The following CEP104 variants were observed in gnomAD, a reference collection of about 807,000 sequenced individuals.
The protein encoded by CEP104 is centrosomal protein 104, also known as centrosomal protein of 104 kDa.
CEP104 carries 84 observed loss-of-function variants against 113.3 expected under a neutral mutation model. The ratio of observed to expected loss-of-function variants is 0.74; its 90% CI spans 0.62 to 0.89. The LOEUF (loss-of-function observed/expected upper bound fraction) is 0.89, where lower values mean the gene tolerates loss of function less well. Ranked by LOEUF, CEP104 falls within the 40% of genes least tolerant of loss-of-function variation. CEP104 has a pLI of 0.00. For synonymous variants in CEP104, 378 were observed against 421.7 expected (o/e 0.90, Z 1.27); for missense variants, 1,053 against 1,156.6 (o/e 0.91, Z 1.30).
At chr1:3,824,400 G>A (rs1221347615) in intron 18 of CEP104, among the ~76,000 whole-genome samples, 1 of 152,172 alleles carries the variant, frequency 6.6e-6, no homozygotes, top group African/African-American at 2.4e-5. Flanking sequence ...TTTCTCTATA[G>A]TAATGCAAGA....
rs1643925745 is a variant in CEP104 at position 3,819,227 on chromosome 1, A to AGTGTCTG, written c.2572-2864_2572-2858dup. ...TAAGTCAAAGACACAAAGGCCGCAT[A>AGTGTCTG]GTGTCTGATTCCATTTACAGGAAAT... is the stretch of plus-strand genomic sequence containing the variant. On this transcript the variant is annotated intron_variant, in intron 20 of 21. Transcript: ENST00000378230. This position sits in a 1 kb window ranked among gnomAD's most constrained non-coding sequence, Gnocchi z 4.6. Among the ~76,000 whole-genome samples the AGTGTCTG allele has an allele frequency of 6.6e-6, 1 of 152,250 alleles. No individual in the cohort carries two copies. Among genetic ancestry groups the AGTGTCTG allele is most frequent in the Admixed American group, 6.5e-5 (1 of 15,288 alleles).
At chr1:3,816,493 G>A in intron 20 of CEP104, 123 bp from the exon 21 acceptor site, 1 of 685,076 alleles carries the variant, frequency 1.5e-6, no homozygotes. Flanking sequence ...AAGAGCCGCA[G>A]AAGAACGGCT....
intron 12 of CEP104, among the ~76,000 whole-genome samples, chr1:3,833,326 T>C (rs1019445403): frequency 2.6e-5 from 4 of 152,130 alleles, no homozygotes; most frequent in Non-Finnish European, 5.9e-5. Flanking sequence ...CAAAATTTTG[T>C]GTAAAACTTA....
At chr1:3,828,292 A>G (rs1162745706) in intron 15 of CEP104, among the ~76,000 whole-genome samples, 1 of 152,206 alleles carries the variant, frequency 6.6e-6, no homozygotes, top group African/African-American at 2.4e-5. Flanking sequence ...GTCACTGAGC[A>G]CACGAGTCAT....
intron 14 of CEP104, 116 bp downstream of exon 14, chr1:3,829,675 G>A (rs1326022202): frequency 1.5e-5 from 17 of 1,116,380 alleles, no homozygotes; most frequent in Non-Finnish European, 1.9e-5. Context: ...CCAGGACGCC[G>A]GGGCTTCCCA....
chr1:3,848,847 CT>C, intron 2 of CEP104, 66 bp from the exon 3 acceptor site: 1 of 1,355,314 alleles, frequency 7.4e-7, no homozygotes, highest in Non-Finnish European at 1.0e-6. Context: ...ATGCTAGCAT[CT>C]CATTCTTGCA....
In CEP104 at chr1:3,848,791, A is replaced by C; in HGVS notation, c.114-10T>G. ...TGGAAACTGGCAAAATCTGAAAGCA[A>C]ACACATTTTTATATTTTCTGAACAA... On this transcript the variant is annotated splice_polypyrimidine_tract_variant and intron_variant, in intron 2 of 21. Coordinates refer to ENST00000378230, the MANE Select transcript of CEP104 (RefSeq NM_014704.4). 1 of 1,603,606 alleles carries C rather than the reference A, an allele frequency of 6.2e-7. No individual in the cohort carries two copies. Among genetic ancestry groups the C allele is most frequent in the Non-Finnish European group, 8.5e-7 (1 of 1,176,730 alleles).
At chr1:3,836,387 G>T in intron 10 of CEP104, 108 bp downstream of exon 10, 1 of 1,111,204 alleles carries the variant, frequency 9.0e-7, no homozygotes, top group Non-Finnish European at 1.3e-6. Context: ...CAAATGCAAA[G>T]CCGTGGGCGT....
intron 16 of CEP104, 82 bp from the exon 17 acceptor site, chr1:3,826,518 A>C: frequency 7.3e-7 from 1 of 1,376,370 alleles, no homozygotes; most frequent in African/African-American, 1.4e-5. Flanking sequence ...GTGAGCTCTA[A>C]AACGATTATA....
At chr1:3,832,172 A>G (rs906308700) in intron 12 of CEP104, among the ~76,000 whole-genome samples, 1 of 152,264 alleles carries the variant, frequency 6.6e-6, no homozygotes, top group African/African-American at 2.4e-5. Context: ...ATCTTTTGAA[A>G]GATGAACCCT....
chr1:3,831,073 C>T lies in CEP104; in HGVS notation c.1809G>A (p.Ser603=), dbSNP rs373264198. 90 of 1,613,984 alleles carry T rather than the reference C, an allele frequency of 5.6e-5. No individual in the cohort carries two copies. Among genetic ancestry groups the T allele is most frequent in the Admixed American group, 1.7e-4 (10 of 60,026 alleles). ...TCATCACGTTGTCAATGGTGAAGCC[C>T]GAGCTGCCAGTGCCCAGGTCTTTCA... ...RLLKDLGTGS[S]GFTIDNVMKF... Residue 603 remains serine (S), a synonymous_variant, in exon 13 of 22, where the codon TCG becomes TCA. Transcript: ENST00000378230.
At position 3,812,435 on chromosome 1, in the gene CEP104, A is replaced by AT. The variant is rs1643811349; in HGVS notation, c.*2966dup. The AT allele has an allele frequency of 6.6e-6, 1 of 152,140 alleles. No homozygotes were observed. The highest frequency in any genetic ancestry group is 2.1e-4 in the South Asian group (1 of 4,828). The allele number at this position is 152,140 out of a possible 1,614,324, so 9.4% of individuals were successfully genotyped here. On this transcript the variant is annotated 3_prime_UTR_variant, in exon 22 of 22. Coordinates refer to ENST00000378230, the MANE Select transcript of CEP104 (RefSeq NM_014704.4). Reference sequence around the variant, plus strand: ...ATATTTATTTATGAATGACCAAGGGATTTTACAGTTCCTTTTTAATTTTTT... The same window carrying AT: ...ATATTTATTTATGAATGACCAAGGGATTTTTACAGTTCCTTTTTAATTTTTT...
Position 3,815,114 on chromosome 1 carries a change from A to C in CEP104, c.*288T>G. On this transcript the variant is annotated 3_prime_UTR_variant, in exon 22 of 22. Transcript: ENST00000378230. Reference sequence around the variant, plus strand: ...CCGGCGGTGCTCTCTGGCTCTCTCCAAACAGGACGCTTCCTTCTCTGATTC... The same window carrying C: ...CCGGCGGTGCTCTCTGGCTCTCTCCCAACAGGACGCTTCCTTCTCTGATTC... 2.4e-6 allele frequency: 1 copy of C among 414,610 alleles called. No individual in the cohort carries two copies. The highest frequency in any genetic ancestry group is 4.4e-6 in the Non-Finnish European group (1 of 228,666). 25.7% of individuals were successfully genotyped at this position (414,610 alleles called of 1,614,324 possible).
chr1:3,845,777 A>T (rs1644495365), intron 4 of CEP104, among the ~76,000 whole-genome samples: 1 of 152,218 alleles, frequency 6.6e-6, no homozygotes, highest in African/African-American at 2.4e-5. Context: ...TTCTAATGCT[A>T]ACCAAATGGT....
At chr1:3,853,101 C>T (rs1461816369) in intron 1 of CEP104, among the ~76,000 whole-genome samples, 1 of 152,020 alleles carries the variant, frequency 6.6e-6, no homozygotes, top group Non-Finnish European at 1.5e-5. Context: ...ACACAAACTT[C>T]TTTCTATTAG....
chr1:3,821,564 C>A (rs1166735235), intron 20 of CEP104, among the ~76,000 whole-genome samples: 4 of 152,210 alleles, frequency 2.6e-5, no homozygotes, highest in South Asian at 2.1e-4. Flanking sequence ...GAATGAGGCC[C>A]CTCCTGAGTC....
chr1:3,837,719 CTCAGT>C (rs886755680), intron 8 of CEP104, among the ~76,000 whole-genome samples, 200 bp from the exon 9 acceptor site: 6 of 152,252 alleles, frequency 3.9e-5, no homozygotes, highest in African/African-American at 1.4e-4. Context: ...TTGCACTCAT[CTCAGT>C]TGTCTCTCCA....
intron 11 of CEP104, 34 bp from the exon 12 acceptor site, chr1:3,834,069 T>C (rs1185065366): frequency 6.5e-7 from 1 of 1,535,404 alleles, no homozygotes; most frequent in Non-Finnish European, 9.0e-7. Context: ...GATGAGTTAC[T>C]ACGGTGCAAT....
At chr1:3,839,455 T>A (rs546543264) in intron 7 of CEP104, among the ~76,000 whole-genome samples, 153 bp downstream of exon 7, 2 of 152,360 alleles carry the variant, frequency 1.3e-5, no homozygotes, top group Non-Finnish European at 2.9e-5. Context: ...AAAGTGCTTA[T>A]CTGTCTCCGT....
Sources: allele counts gnomAD v4.1 joint callset (sites outside exome capture counted in the v4.1 genomes callset), GRCh38; gene constraint gnomAD v4.1.1; non-coding constraint Gnocchi (gnomAD v3.1); transcripts MANE v1.5; gene names NCBI Gene and HGNC (gene_info 2026-07-23, HGNC 2026-07-21).